MYBPC2: variants seen among roughly 807,000 people sequenced by gnomAD.
MYBPC2 encodes the protein myosin binding protein C2.
Under a neutral mutation model 137.0 loss-of-function variants are expected in MYBPC2, and 122 were observed. The observed-to-expected ratio is 0.89, with a 90% CI of 0.77 to 1.03. MYBPC2 has a LOEUF of 1.03. Ranked by LOEUF, MYBPC2 falls within the 50% of genes least tolerant of loss-of-function variation. MYBPC2 has a pLI of 0.00. For missense variants in MYBPC2, 1,500 were observed against 1,534.4 expected (o/e 0.98, Z 0.37); for synonymous variants, 626 against 612.3 (o/e 1.02, Z -0.33).
chr19:50,455,462 C>T (rs1358322233), intron 19 of MYBPC2, 48 bp from the exon 20 acceptor site: 1 of 1,593,660 alleles, frequency 6.3e-7, no homozygotes, highest in Admixed American at 1.7e-5. Context: ...TCCTGCTGAC[C>T]CCTGACCCCT....
chr19:50,435,360 C>T lies in MYBPC2; in HGVS notation c.109+110C>T. ...CTCTATCCTTGAATCTGTCCCCGCA[C>T]AGCCCCAGGGCTGACCCACGCCTCC... On this transcript the variant is annotated intron_variant, in intron 2 of 27. Coordinates refer to ENST00000357701, the MANE Select transcript of MYBPC2 (RefSeq NM_004533.4). The surrounding 1 kb of genome is among the most constrained non-coding windows in gnomAD (Gnocchi z 4.8). The T allele has an allele frequency of 4.4e-6, 3 of 684,712 alleles. No homozygotes were observed. Among genetic ancestry groups the T allele is most frequent in the Non-Finnish European group, 8.0e-6 (3 of 375,408 alleles). The allele number at this position is 684,712 out of a possible 1,614,324, so 42.4% of individuals were successfully genotyped here.
intron 8 of MYBPC2, 106 bp downstream of exon 8, chr19:50,441,182 G>A: frequency 7.9e-7 from 1 of 1,262,904 alleles, no homozygotes; most frequent in Non-Finnish European, 1.1e-6. Context: ...GTCCCAATGA[G>A]GTAGGAGGCA....
chr19:50,446,123 C>G, intron 12 of MYBPC2, 71 bp downstream of exon 12: 1 of 1,503,880 alleles, frequency 6.6e-7, no homozygotes, highest in Non-Finnish European at 9.0e-7. Flanking sequence ...GTTGCTCAGG[C>G]CCCCCAGTCT....
chr19:50,457,687 T>G (rs990414857), intron 20 of MYBPC2, among the ~76,000 whole-genome samples: 12 of 147,664 alleles, frequency 8.1e-5, no homozygotes, highest in Middle Eastern at 3.2e-3. Flanking sequence ...AAAGTTTTTT[T>G]TTTTTTTTTT....
At chr19:50,443,186 T>C (rs1251972301) in intron 9 of MYBPC2, among the ~76,000 whole-genome samples, 2 of 152,074 alleles carry the variant, frequency 1.3e-5, no homozygotes, top group Non-Finnish European at 2.9e-5. Context: ...TAGCTGGGTA[T>C]GGTGGTGTGC....
chr19:50,441,947 T>C (rs1171945242), intron 8 of MYBPC2, among the ~76,000 whole-genome samples: 1 of 152,214 alleles, frequency 6.6e-6, no homozygotes, highest in Non-Finnish European at 1.5e-5. Context: ...CCTTGACTTC[T>C]TTCCTGGGTG....
chr19:50,460,357 T>C (rs1365528485), intron 24 of MYBPC2, among the ~76,000 whole-genome samples, 178 bp downstream of exon 24: 1 of 152,178 alleles, frequency 6.6e-6, no homozygotes, highest in East Asian at 1.9e-4. Flanking sequence ...ATTTTCTTTT[T>C]TCACTGAGGT....
chr19:50,458,861 C>T, intron 21 of MYBPC2, 57 bp from the exon 22 acceptor site: 2 of 1,594,408 alleles, frequency 1.3e-6, no homozygotes, highest in Non-Finnish European at 1.7e-6. Flanking sequence ...TCACCATTGG[C>T]CCCTGGAATG....
At chr19:50,434,763 G>T (rs569077058) in intron 1 of MYBPC2, among the ~76,000 whole-genome samples, 3 of 152,308 alleles carry the variant, frequency 2.0e-5, no homozygotes, top group Admixed American at 1.3e-4. Flanking sequence ...GACCCAGCCG[G>T]CAAGGAACAG....
intron 9 of MYBPC2, among the ~76,000 whole-genome samples, 170 bp from the exon 10 acceptor site, chr19:50,443,324 A>G (rs1254020129): frequency 6.6e-6 from 1 of 152,062 alleles, no homozygotes; most frequent in East Asian, 1.9e-4. Context: ...CCCTGTCTCA[A>G]AAGTAAATAA....
At chr19:50,449,920 C>T (rs2039841188) in intron 13 of MYBPC2, among the ~76,000 whole-genome samples, 1 of 152,144 alleles carries the variant, frequency 6.6e-6, no homozygotes, top group South Asian at 2.1e-4. Flanking sequence ...CTTTGGGAGG[C>T]TGAGGTGGGT....
Position 50,440,912 on chromosome 19 carries a change from A to G in MYBPC2, c.605A>G (p.Lys202Arg). The G allele has an allele frequency of 6.2e-7, 1 of 1,613,502 alleles. No individual in the cohort carries two copies. ...EVVEEEKKKK[K>R]KDDDDLGIPP... ...GTGGAGGAGGAGAAGAAGAAGAAAAAGAAAGATGACGATGACCTAGGCATC... is the reference window on the plus strand; with the variant it reads ...GTGGAGGAGGAGAAGAAGAAGAAAAGGAAAGATGACGATGACCTAGGCATC... Residue 202 changes from lysine (K) to arginine (R), a missense_variant, in exon 8 of 28, where the codon AAG (lysine) becomes AGG (arginine). Coordinates refer to ENST00000357701, the MANE Select transcript of MYBPC2 (RefSeq NM_004533.4).
In MYBPC2 at chr19:50,437,485, A is replaced by G; in HGVS notation, c.476A>G (p.Asp159Gly). 1 of 1,611,070 alleles carries G rather than the reference A, an allele frequency of 6.2e-7. No individual in the cohort carries two copies. The highest frequency in any genetic ancestry group is 8.5e-7 in the Non-Finnish European group (1 of 1,178,766). Residue 159 changes from aspartate (D) to glycine (G), a missense_variant, in exon 6 of 28, where the codon GAT becomes GGT. By Grantham distance (94) the Asp-to-Gly change is moderately conservative. Transcript: ENST00000357701. ...FNIDVEAPRQ[D>G]ASGQSLESFK... ...CACCTCTCCCCAGCACCCCGTCAGG[A>G]TGCCTCTGGGCAGAGTCTAGAAAGC...
Position 50,435,075 on chromosome 19 carries a change from G to A in MYBPC2, c.20-86G>A. 4.3e-6 allele frequency: 3 copies of A among 700,724 alleles called. No individual in the cohort carries two copies. In the South Asian group the frequency reaches 4.5e-5, roughly 10 times the overall value. The allele number at this position is 700,724 out of a possible 1,614,324, so 43.4% of individuals were successfully genotyped here. The stretch of plus-strand genomic sequence containing the variant: ...GACTCCTGGGTCTGAGGGAGGAGGG[G>A]CTGGGGGGTCTGGACTCCTGCGTCT... On this transcript the variant is annotated intron_variant, in intron 1 of 27. Coordinates refer to ENST00000357701, the MANE Select transcript of MYBPC2 (RefSeq NM_004533.4). This position sits in a 1 kb window ranked among gnomAD's most constrained non-coding sequence, Gnocchi z 4.8.
chr19:50,435,858 G>C lies in MYBPC2; in HGVS notation c.192G>C (p.Glu64Asp). Reference protein sequence around the residue: ...FLKKPDSVSVETGKDAVVVAK... With the variant: ...FLKKPDSVSVDTGKDAVVVAK... Reference sequence around the variant, plus strand: ...AGAAGCCGGACTCCGTCTCAGTGGAGACTGGTGAGGGGAACCCGGGGGAGG... The same window carrying C: ...AGAAGCCGGACTCCGTCTCAGTGGACACTGGTGAGGGGAACCCGGGGGAGG... Residue 64 changes from glutamate (E) to aspartate (D), a missense_variant, in exon 3 of 28, where the codon GAG becomes GAC. By Grantham distance (45) the Glu-to-Asp change is conservative (BLOSUM62 2). Transcript: ENST00000357701. The surrounding 1 kb of genome is among the most constrained non-coding windows in gnomAD (Gnocchi z 4.8). 6.3e-7 allele frequency: 1 copy of C among 1,590,932 alleles called. No individual in the cohort carries two copies.
chr19:50,451,512 T>C (rs1197756683), intron 15 of MYBPC2, among the ~76,000 whole-genome samples: 3 of 133,592 alleles, frequency 2.2e-5, no homozygotes, highest in African/African-American at 8.7e-5. Flanking sequence ...GGGTGGGGGC[T>C]ATCGGCCGAG....
At chr19:50,437,328 C>A in intron 5 of MYBPC2, 145 bp from the exon 6 acceptor site, 2 of 865,232 alleles carry the variant, frequency 2.3e-6, no homozygotes, top group South Asian at 1.7e-5. Context: ...CTAGAGGATG[C>A]CCAGGCCTGA....
rs866329567 is a variant in MYBPC2 at position 50,443,504 on chromosome 19, G to C, written c.913G>C (p.Glu305Gln). 7 of 1,613,172 alleles carry C rather than the reference G, an allele frequency of 4.3e-6. No individual in the cohort carries two copies. Among genetic ancestry groups the C allele is most frequent in the South Asian group, 3.3e-5 (3 of 90,778 alleles). Residue 305 changes from glutamate to glutamine, a missense_variant, in exon 10 of 28, where the codon GAG becomes CAG. Physicochemically the swap from Glu to Gln is conservative, Grantham distance 29 (BLOSUM62 2). Coordinates refer to ENST00000357701, the MANE Select transcript of MYBPC2 (RefSeq NM_004533.4). Reference protein sequence around the residue: ...EIKPSSKYVFENVGKKRILTI... With the variant: ...EIKPSSKYVFQNVGKKRILTI... ...AGACTTTTGAATCAGGTACGTGTTT[G>C]AGAACGTTGGTAAGAAGCGAATTCT...
At chr19:50,456,539 T>C (rs1485828137) in intron 20 of MYBPC2, among the ~76,000 whole-genome samples, 4 of 151,626 alleles carry the variant, frequency 2.6e-5, no homozygotes, top group African/African-American at 2.4e-5. Flanking sequence ...CACGCCATTC[T>C]CCTGCCTCAG....
Sources: gnomAD v4.1 joint callset for allele counts (sites outside exome capture counted in the v4.1 genomes callset) on GRCh38, gnomAD v4.1.1 for gene constraint, Gnocchi (gnomAD v3.1) non-coding constraint, MANE v1.5 for transcripts, NCBI Gene and HGNC (gene_info 2026-07-23, HGNC 2026-07-21) for gene names.